BICRAL: variants seen among roughly 807,000 people sequenced by gnomAD.
The protein encoded by BICRAL is BRD4-interacting chromatin-remodeling complex-associated protein-like.
In BICRAL, 8 loss-of-function variants were observed where a neutral mutation model predicts 91.8. That is an observed-to-expected ratio of 0.09 (90% confidence interval 0.05 to 0.16). The LOEUF is 0.16. Ranked by LOEUF, BICRAL falls within the 10% of genes least tolerant of loss-of-function variation. The probability of loss-of-function intolerance (pLI) is 1.00; values close to 1 mark genes in which losing one functional copy is unlikely to be tolerated. For missense variants in BICRAL, 1,038 were observed against 1,310.9 expected, an observed-to-expected ratio of 0.79 and a Z score of 3.21; for synonymous variants, 445 against 491.1, an observed-to-expected ratio of 0.91 and a Z score of 1.24.
intron 6 of BICRAL, among the ~76,000 whole-genome samples, chr6:42,844,298 A>G (rs1354667367): frequency 2.0e-5 from 3 of 150,374 alleles, no homozygotes; most frequent in Non-Finnish European, 4.4e-5. Flanking sequence ...TCACGAGGTC[A>G]GGAGATGAAG....
At chr6:42,763,175 A>G (rs1430230837) in intron 1 of BICRAL, among the ~76,000 whole-genome samples, 1 of 152,168 alleles carries the variant, frequency 6.6e-6, no homozygotes, top group Admixed American at 6.6e-5. Flanking sequence ...CTTCACTTAT[A>G]TTATCTCATT....
At chr6:42,785,386 C>T (rs1324156351) in intron 1 of BICRAL, among the ~76,000 whole-genome samples, 1 of 151,646 alleles carries the variant, frequency 6.6e-6, no homozygotes, top group Admixed American at 6.6e-5. Flanking sequence ...TGGTGAAACC[C>T]CGTCTGTACT....
chr6:42,853,502 C>A (rs1459036319), intron 7 of BICRAL, 136 bp from the exon 8 acceptor site: 5 of 640,256 alleles, frequency 7.8e-6, no homozygotes, highest in Non-Finnish European at 1.1e-5. Context: ...TGCCCTCCTT[C>A]TTCACAGCAA....
At chr6:42,853,084 A>T (rs1765245928) in intron 7 of BICRAL, among the ~76,000 whole-genome samples, 2 of 148,572 alleles carry the variant, frequency 1.3e-5, no homozygotes, top group Non-Finnish European at 3.0e-5. Context: ...AAAAAAAAAG[A>T]AAAGGTATTT....
intron 1 of BICRAL, among the ~76,000 whole-genome samples, chr6:42,775,205 G>C (rs998506694): frequency 6.6e-6 from 1 of 152,184 alleles, no homozygotes; most frequent in Non-Finnish European, 1.5e-5. Flanking sequence ...AAAGTGCTGG[G>C]ATCACAGGCG....
chr6:42,812,253 G>A (rs1763861368), intron 2 of BICRAL, among the ~76,000 whole-genome samples: 1 of 152,088 alleles, frequency 6.6e-6, no homozygotes, highest in African/African-American at 2.4e-5. Context: ...GAGGCCAGGA[G>A]TATGAGACCA....
intron 2 of BICRAL, among the ~76,000 whole-genome samples, chr6:42,815,984 CAAAA>C (rs746928245): frequency 4.3e-4 from 17 of 39,266 alleles, no homozygotes; most frequent in African/African-American, 1.6e-3. Context: ...AACTCTGTCT[CAAAA>C]AAAAAAAAAA....
rs148315963 is a variant in BICRAL, at chr6:42,852,132, C to G, written c.1880C>G (p.Ala627Gly). The change falls in exon 7 of 13, where the codon GCT becomes GGT. Residue 627 changes from alanine (A) to glycine (G), a missense_variant. Physicochemically the swap from Ala to Gly is moderately conservative, Grantham distance 60. Transcript: ENST00000314073. Reference sequence around the variant, plus strand: ...CTGAATCAGACTTCCCCCATTTCTGCTCCCAAGACCACAGACGGCCTGAGG... The same window carrying G: ...CTGAATCAGACTTCCCCCATTTCTGGTCCCAAGACCACAGACGGCCTGAGG... ...KCLNQTSPISAPKTTDGLRQA... is the reference protein window; with the variant it reads ...KCLNQTSPISGPKTTDGLRQA... 29 of 1,612,958 alleles carry G rather than the reference C, an allele frequency of 1.8e-5. No individual in the cohort carries two copies. Among genetic ancestry groups the G allele is most frequent in the Admixed American group, 1.5e-4 (9 of 59,938 alleles).
chr6:42,783,825 G>A (rs1763016221), intron 1 of BICRAL, among the ~76,000 whole-genome samples: 1 of 152,228 alleles, frequency 6.6e-6, no homozygotes, highest in Non-Finnish European at 1.5e-5. Flanking sequence ...GTCGAAATTG[G>A]AGGTGAGGCG....
chr6:42,834,005 C>T (rs1021904822), intron 6 of BICRAL, among the ~76,000 whole-genome samples: 2 of 151,952 alleles, frequency 1.3e-5, no homozygotes, highest in African/African-American at 4.8e-5. Flanking sequence ...CAGGCATGTA[C>T]CACCACGCCC....
intron 1 of BICRAL, among the ~76,000 whole-genome samples, chr6:42,757,255 ACT>A (rs1171397531): frequency 1.6e-5 from 2 of 124,632 alleles, no homozygotes; most frequent in African/African-American, 6.8e-5. Context: ...TTTTTTTTTA[ACT>A]CTTTTTTTTT....
At chr6:42,856,411 G>A (rs1460712421) in intron 9 of BICRAL, among the ~76,000 whole-genome samples, 1 of 98,234 alleles carries the variant, frequency 1.0e-5, no homozygotes, top group Non-Finnish European at 1.8e-5. Flanking sequence ...GTCTTGCTCT[G>A]TCGTCCAGGC....
At chr6:42,815,710 G>C (rs188434793) in intron 2 of BICRAL, among the ~76,000 whole-genome samples, 1 of 151,896 alleles carries the variant, frequency 6.6e-6, no homozygotes, top group South Asian at 2.1e-4. Context: ...TTTCTTGGCC[G>C]GGCGTGGTGG....
intron 1 of BICRAL, among the ~76,000 whole-genome samples, chr6:42,802,435 TTGTTGTTGTTG>T: frequency 1.1e-5 from 1 of 92,976 alleles, no homozygotes; most frequent in South Asian, 4.1e-4. Context: ...TTTTTTGTTG[TTGTTGTTGTTG>T]TTGTTGTTGT....
chr6:42,798,421 G>C (rs1240369552), intron 1 of BICRAL, among the ~76,000 whole-genome samples: 1 of 152,108 alleles, frequency 6.6e-6, no homozygotes, highest in Admixed American at 6.5e-5. Flanking sequence ...GGTGGGCCGG[G>C]CATGGTGGCT....
intron 6 of BICRAL, among the ~76,000 whole-genome samples, chr6:42,850,272 C>A (rs2114011088): frequency 6.6e-6 from 1 of 152,158 alleles, no homozygotes; most frequent in East Asian, 1.9e-4. Context: ...GTAATCCCAA[C>A]ACTTTGGGAG....
intron 1 of BICRAL, among the ~76,000 whole-genome samples, chr6:42,749,590 A>G (rs144663292): frequency 2.0e-5 from 3 of 152,334 alleles, no homozygotes; most frequent in East Asian, 1.9e-4. Flanking sequence ...AGATATCCCA[A>G]TTATTCTAAT....
intron 6 of BICRAL, among the ~76,000 whole-genome samples, chr6:42,846,773 T>G (rs1765022236): frequency 6.6e-6 from 1 of 151,570 alleles, no homozygotes; most frequent in African/African-American, 2.4e-5. Context: ...GCTTGGCACT[T>G]TTAGAGGGTG....
intron 1 of BICRAL, among the ~76,000 whole-genome samples, chr6:42,798,766 C>G (rs1187524238): frequency 6.6e-6 from 1 of 152,210 alleles, no homozygotes; most frequent in Non-Finnish European, 1.5e-5. Context: ...TTTAAATCAT[C>G]TCTAGATTTG....
Sources: allele counts gnomAD v4.1 joint callset (sites outside exome capture counted in the v4.1 genomes callset), GRCh38; gene constraint gnomAD v4.1.1; transcripts MANE v1.5; gene names NCBI Gene and HGNC (gene_info 2026-07-23, HGNC 2026-07-21).